Variants in WDPCP observed in about 807,000 individuals in gnomAD.
The protein encoded by WDPCP is WD repeat containing planar cell polarity effector.
Under a neutral mutation model 93.1 loss-of-function variants are expected in WDPCP, and 71 were observed. That is an observed-to-expected ratio of 0.76 (90% CI 0.63 to 0.93). The LOEUF (loss-of-function observed/expected upper bound fraction) is 0.93, where lower values mean the gene tolerates loss of function less well. Ranked by LOEUF, WDPCP falls within the 40% of genes least tolerant of loss-of-function variation. The pLI is 0.00. For synonymous variants in WDPCP, 315 were observed against 315.0 expected, an observed-to-expected ratio of 1.00 and a Z score of 0.00; for missense variants, 844 against 887.4, an observed-to-expected ratio of 0.95 and a Z score of 0.62.
At chr2:63,365,251 T>C (rs974089666) in intron 12 of WDPCP, among the ~76,000 whole-genome samples, 2 of 152,172 alleles carry the variant, frequency 1.3e-5, no homozygotes, top group African/African-American at 4.8e-5. Context: ...GCAAGGTCTC[T>C]TCAGCACCAG....
chr2:63,134,858 C>T (rs1360129740), intron 17 of WDPCP, among the ~76,000 whole-genome samples: 1 of 152,150 alleles, frequency 6.6e-6, no homozygotes, highest in Non-Finnish European at 1.5e-5. Context: ...CGCTGTGGCT[C>T]ACACCTGTAA....
chr2:63,229,529 A>G (rs1043061970), intron 14 of WDPCP: 10 of 152,158 alleles, frequency 6.6e-5, no homozygotes, highest in Non-Finnish European at 1.3e-4. Flanking sequence ...CCTGAATGGT[A>G]TTGCCTAGGT....
intron 2 of WDPCP, among the ~76,000 whole-genome samples, chr2:63,698,377 C>T (rs772885488): frequency 2.0e-5 from 3 of 152,190 alleles, no homozygotes; most frequent in Non-Finnish European, 4.4e-5. Flanking sequence ...TCCCAGATCA[C>T]ATCATGCCAA....
intron 15 of WDPCP, among the ~76,000 whole-genome samples, chr2:63,158,107 C>G (rs72813418): frequency 0.16 from 24,025 of 151,746 alleles, 2,492 homozygotes; most frequent in Admixed American, 0.22. Flanking sequence ...TTGTTAATTT[C>G]TAAGCGTTTG....
intron 13 of WDPCP, among the ~76,000 whole-genome samples, chr2:63,289,366 C>T (rs1213841790): frequency 6.6e-6 from 1 of 152,050 alleles, no homozygotes; most frequent in Non-Finnish European, 1.5e-5. Context: ...TCATCCTACA[C>T]ATTTTGATAT....
chr2:63,596,671 G>T (rs1638242449), intron 3 of WDPCP, among the ~76,000 whole-genome samples: 1 of 152,170 alleles, frequency 6.6e-6, no homozygotes, highest in African/African-American at 2.4e-5. Context: ...CCTTGACTAT[G>T]ATGCAACTAG....
intron 2 of WDPCP, among the ~76,000 whole-genome samples, chr2:63,699,940 G>A (rs1669020040): frequency 6.6e-6 from 1 of 152,124 alleles, no homozygotes; most frequent in African/African-American, 2.4e-5. Flanking sequence ...GAGCAGGGGT[G>A]TGAGGTTATG....
chr2:63,161,067 A>G (rs1474958292), intron 15 of WDPCP, among the ~76,000 whole-genome samples: 2 of 152,232 alleles, frequency 1.3e-5, no homozygotes, highest in African/African-American at 4.8e-5. Flanking sequence ...TGTGGGAAGA[A>G]GCATACAAAG....
chr2:63,226,801 T>G (rs1046209479), intron 14 of WDPCP, among the ~76,000 whole-genome samples: 7 of 151,922 alleles, frequency 4.6e-5, no homozygotes, highest in Non-Finnish European at 1.0e-4. Context: ...TGTACAAACT[T>G]GTTTTACTTC....
intron 12 of WDPCP, among the ~76,000 whole-genome samples, chr2:63,340,082 C>T (rs541037646): frequency 3.9e-5 from 6 of 152,278 alleles, no homozygotes; most frequent in Admixed American, 2.6e-4. Flanking sequence ...TATACATCTA[C>T]GTCTTTGCAT....
chr2:63,839,770 C>T, the WDPCP span, among the ~76,000 whole-genome samples: 1 of 152,184 alleles, frequency 6.6e-6, no homozygotes, highest in Non-Finnish European at 1.5e-5. Flanking sequence ...CTTCAGTCTC[C>T]AAATGCTGTT....
intron 3 of WDPCP, chr2:63,606,126 A>G (rs972206425): frequency 1.7e-6 from 2 of 1,159,014 alleles, no homozygotes; most frequent in Non-Finnish European, 2.6e-6. Context: ...TCACGCCTAT[A>G]ATCCCAACAC....
intron 9 of WDPCP, among the ~76,000 whole-genome samples, chr2:63,428,190 A>G (rs1233307734): frequency 6.6e-6 from 1 of 152,018 alleles, no homozygotes; most frequent in Non-Finnish European, 1.5e-5. Context: ...TATTCCAAAA[A>G]AAAAAAAAAA....
intron 2 of WDPCP, among the ~76,000 whole-genome samples, chr2:63,755,766 A>G (rs546870295): frequency 6.6e-6 from 1 of 152,358 alleles, no homozygotes; most frequent in East Asian, 1.9e-4. Context: ...TAGTGCAAAA[A>G]ATACTAATGT....
At chr2:63,497,132 AG>A (rs1321467576) in intron 1 of WDPCP, among the ~76,000 whole-genome samples, 2 of 149,980 alleles carry the variant, frequency 1.3e-5, no homozygotes, top group South Asian at 2.1e-4. Context: ...AAAAAAAAAA[AG>A]AATGGAGAAG....
intron 1 of WDPCP, among the ~76,000 whole-genome samples, chr2:63,526,084 C>T (rs746491710): frequency 3.3e-5 from 5 of 151,842 alleles, no homozygotes; most frequent in South Asian, 2.1e-4. Flanking sequence ...TGTGTGTACA[C>T]ACACATACAT....
At chr2:63,716,093 G>C (rs1669333611) in intron 2 of WDPCP, among the ~76,000 whole-genome samples, 1 of 152,138 alleles carries the variant, frequency 6.6e-6, no homozygotes, top group Admixed American at 6.5e-5. Context: ...GTTTCTTCAG[G>C]AGACATTTTT....
At chr2:63,208,493 G>C (rs1676510168) in intron 14 of WDPCP, among the ~76,000 whole-genome samples, 1 of 152,020 alleles carries the variant, frequency 6.6e-6, no homozygotes, top group Non-Finnish European at 1.5e-5. Context: ...GCTCTACTCT[G>C]AACTGTTTCT....
intron 6 of WDPCP, among the ~76,000 whole-genome samples, chr2:63,463,662 A>G (rs1397587380): frequency 6.6e-6 from 1 of 152,206 alleles, no homozygotes; most frequent in East Asian, 1.9e-4. Flanking sequence ...TGGAACAGAA[A>G]AGAGATCCCA....
Sources: allele counts gnomAD v4.1 joint callset (sites outside exome capture counted in the v4.1 genomes callset), GRCh38; gene constraint gnomAD v4.1.1; transcripts MANE v1.5; gene names NCBI Gene and HGNC (gene_info 2026-07-23, HGNC 2026-07-21).